Variants in FGF13 observed in about 807,000 individuals in gnomAD.
The protein encoded by FGF13 is fibroblast growth factor 13.
FGF13 carries 2 observed loss-of-function variants against 19.5 expected under a neutral mutation model. That is an observed-to-expected ratio of 0.10 (90% CI 0.04 to 0.32). The LOEUF (loss-of-function observed/expected upper bound fraction) is 0.32. Ranked by LOEUF, FGF13 falls within the 10% of genes least tolerant of loss-of-function variation. The pLI, the probability that FGF13 is intolerant of heterozygous loss-of-function variation, is 1.00. For synonymous variants in FGF13, 72 were observed against 76.9 expected (o/e 0.94, Z 0.33); for missense variants, 113 against 192.7 (o/e 0.59, Z 2.45).
chrX:138,999,416 C>A (rs2092061662), intron 1 of FGF13, among the ~76,000 whole-genome samples: 1 of 110,425 alleles, frequency 9.1e-6, no homozygotes. Flanking sequence ...TGGAAAAGAT[C>A]AACAAAATAA....
chrX:138,979,016 G>A (rs772266326), intron 1 of FGF13, among the ~76,000 whole-genome samples: 10 of 112,367 alleles, frequency 8.9e-5, no homozygotes, highest in African/African-American at 2.3e-4. Flanking sequence ...CAAATTACAG[G>A]TTTTTGAATG....
At chrX:138,833,028 T>C (rs774780364) in intron 3 of FGF13, among the ~76,000 whole-genome samples, 4 of 111,911 alleles carry the variant, frequency 3.6e-5, no homozygotes, top group African/African-American at 1.3e-4. Context: ...TACGTGTCTA[T>C]TTTTGTACCA....
chrX:138,817,006 T>C (rs984787296), intron 3 of FGF13, among the ~76,000 whole-genome samples: 3 of 112,127 alleles, frequency 2.7e-5, no homozygotes, highest in African/African-American at 9.7e-5. Context: ...GAAAAGAATA[T>C]TTTACAAATC....
chrX:138,865,442 C>CT (rs2091313936), intron 1 of FGF13, among the ~76,000 whole-genome samples: 2 of 100,875 alleles, frequency 2.0e-5, no homozygotes, highest in Non-Finnish European at 3.9e-5. Context: ...TTCTCTCTCT[C>CT]TCTCTCTCCT....
At chrX:138,888,982 T>C (rs958954128) in intron 1 of FGF13, among the ~76,000 whole-genome samples, 1 of 112,207 alleles carries the variant, frequency 8.9e-6, no homozygotes, top group Non-Finnish European at 1.9e-5. Flanking sequence ...GAATCATTCA[T>C]TCAACTAATA....
chrX:139,097,899 G>T (rs2083480845), intron 1 of FGF13, among the ~76,000 whole-genome samples: 1 of 112,288 alleles, frequency 8.9e-6, no homozygotes, highest in African/African-American at 3.2e-5. Flanking sequence ...TAACAAGGTT[G>T]CCAGAGCCAG....
intron 1 of FGF13, among the ~76,000 whole-genome samples, chrX:139,056,319 G>C (rs1430766460): frequency 2.7e-5 from 3 of 112,409 alleles, no homozygotes; most frequent in Admixed American, 9.4e-5. Context: ...TGAGCCAAGA[G>C]ATCAAACCTT....
At position 138,830,998 on chromosome X, in the gene FGF13, G is replaced by A. The variant is rs150067147; in HGVS notation, c.217+26514C>T. ...ATCTTCCATGGACTCTCTGCCTAAG[G>A]ATGCCTTGGGTCTATTCTCCCCACA... On this transcript the variant is annotated intron_variant, in intron 3 of 6. Transcript: ENST00000436198. 9.7e-3 allele frequency among the ~76,000 whole-genome samples: 1,071 copies of A among 110,571 alleles called. 14 individuals carry two copies. The highest frequency in any genetic ancestry group is 0.033 in the African/African-American group (997 of 30,346).
At chrX:138,743,312 C>A (rs921419354), upstream of FGF13, among the ~76,000 whole-genome samples, 6 of 111,772 alleles carry the variant, frequency 5.4e-5, no homozygotes, top group Non-Finnish European at 1.1e-4. Flanking sequence ...GTGACTCCAA[C>A]TGTATGACAT....
chrX:139,199,320 T>C (rs1267534839), intron 1 of FGF13, among the ~76,000 whole-genome samples: 2 of 111,074 alleles, frequency 1.8e-5, no homozygotes, highest in Non-Finnish European at 3.8e-5. Context: ...CCTCCTTCAA[T>C]TGCTTAATCT....
intron 1 of FGF13, among the ~76,000 whole-genome samples, chrX:138,866,513 C>T (rs1423540788): frequency 8.9e-6 from 1 of 111,769 alleles, no homozygotes; most frequent in East Asian, 2.8e-4. Flanking sequence ...TGGCAGATTG[C>T]ACTGTACCAG....
rs753328131 is a variant in FGF13, at chrX:138,803,600, G to A, written c.217+53912C>T. Among the ~76,000 whole-genome samples the A allele has an allele frequency of 2.0e-3, 223 of 112,230 alleles. 1 individual carries two copies. Among genetic ancestry groups the A allele is most frequent in the African/African-American group, 7.0e-3 (215 of 30,914 alleles). On this transcript the variant is annotated intron_variant, in intron 3 of 6. Transcript: ENST00000436198. The stretch of plus-strand genomic sequence containing the variant: ...GGTGAAGCCCAAAGGAGCATTACCC[G>A]CAGAATCTATATTAGAGGCCAAGCT...
At chrX:138,713,059 C>G (rs17497235), upstream of FGF13, among the ~76,000 whole-genome samples, 1 of 112,460 alleles carries the variant, frequency 8.9e-6, no homozygotes, top group South Asian at 3.7e-4. Context: ...CACTGTGTGT[C>G]TGCAAGGCAG....
chrX:138,907,184 C>G (rs1398661185), intron 1 of FGF13, among the ~76,000 whole-genome samples: 1 of 111,557 alleles, frequency 9.0e-6, no homozygotes, highest in Non-Finnish European at 1.9e-5. Flanking sequence ...ATCATCTTAG[C>G]TCAGCTTAAC....
intron 3 of FGF13, among the ~76,000 whole-genome samples, chrX:138,808,341 A>C (rs944188645): frequency 1.8e-5 from 2 of 112,066 alleles, no homozygotes; most frequent in African/African-American, 6.5e-5. Flanking sequence ...CTGAATGACT[A>C]CTGGGTACAT....
chrX:138,789,862 G>A lies in FGF13; in HGVS notation c.217+67650C>T, dbSNP rs930742438. 4.7e-5 allele frequency among the ~76,000 whole-genome samples: 5 copies of A among 106,206 alleles called. No individual in the cohort carries two copies. In the East Asian group the frequency reaches 1.2e-3, roughly 26 times the overall value. The allele number at this position is 106,206 out of a possible 115,157, so 92.2% of individuals were successfully genotyped here. ...AGATCGAGACCATCCTGGCTAACACGGTGAAACCCTGTCTCTACTAAAAAT... is the reference window on the plus strand; with the variant it reads ...AGATCGAGACCATCCTGGCTAACACAGTGAAACCCTGTCTCTACTAAAAAT... On this transcript the variant is annotated intron_variant, in intron 3 of 6. Coordinates refer to the FGF13 transcript ENST00000436198.
intron 1 of FGF13, among the ~76,000 whole-genome samples, chrX:139,061,221 T>C (rs1353536119): frequency 1.8e-5 from 2 of 111,752 alleles, no homozygotes; most frequent in African/African-American, 6.5e-5. Flanking sequence ...TGTACTAATT[T>C]ACATTCCCAC....
intron 1 of FGF13, among the ~76,000 whole-genome samples, chrX:138,975,374 T>C (rs2091935729): frequency 8.9e-6 from 1 of 112,102 alleles, no homozygotes. Context: ...GGATTTCTGA[T>C]TCCCAGCTCT....
At chrX:139,060,434 A>C (rs1037566200) in intron 1 of FGF13, among the ~76,000 whole-genome samples, 4 of 111,408 alleles carry the variant, frequency 3.6e-5, no homozygotes, top group Non-Finnish European at 7.5e-5. Context: ...AACGATACAG[A>C]TCTTATGCTC....
Sources: gnomAD v4.1 joint callset for allele counts (sites outside exome capture counted in the v4.1 genomes callset) on GRCh38, gnomAD v4.1.1 for gene constraint, MANE v1.5 for transcripts, NCBI Gene and HGNC (gene_info 2026-07-23, HGNC 2026-07-21) for gene names.